Variants in P3H2 observed in about 807,000 individuals in gnomAD.
P3H2 encodes leprecan-like 1.
In P3H2, 80 loss-of-function variants were observed where a neutral mutation model predicts 87.0. That is an observed-to-expected ratio of 0.92 (90% CI 0.77 to 1.11). The LOEUF (loss-of-function observed/expected upper bound fraction) is 1.11, where lower values mean the gene tolerates loss of function less well. Among genes scored for constraint, P3H2 ranks in the 50% least tolerant of loss-of-function variants. The pLI, the probability that P3H2 is intolerant of heterozygous loss-of-function variation, is 0.00. For synonymous variants in P3H2, 367 were observed against 359.3 expected (o/e 1.02, Z -0.24); for missense variants, 1,001 against 923.9 (o/e 1.08, Z -1.08).
At chr3:189,986,262 A>T (rs1416866296) in intron 6 of P3H2, among the ~76,000 whole-genome samples, 1 of 152,224 alleles carries the variant, frequency 6.6e-6, no homozygotes, top group Admixed American at 6.5e-5. Flanking sequence ...ATATGGAATG[A>T]CTGATGTGGA....
Position 189,974,723 on chromosome 3 carries a change from T to G in P3H2, c.1325-38A>C, listed in dbSNP as rs1210229232. 4.3e-6 allele frequency: 7 copies of G among 1,613,808 alleles called. No homozygotes were observed. In the African/African-American group the frequency reaches 8.0e-5, roughly 18 times the overall value. ...AGCACATTGTCTTCCCTGTTACCTC[T>G]GTCCCCCGAAAGGAAGCACAGAATA... On this transcript the variant is annotated intron_variant, in intron 8 of 14. Transcript: ENST00000319332.
At chr3:190,071,289 A>G (rs182813789) in intron 1 of P3H2, among the ~76,000 whole-genome samples, 44 of 152,356 alleles carry the variant, frequency 2.9e-4, no homozygotes, top group African/African-American at 1.0e-3. Flanking sequence ...AGCCACAATA[A>G]ACAGACTTTT....
chr3:190,046,667 T>C (rs1164456753), intron 1 of P3H2, among the ~76,000 whole-genome samples: 1 of 151,938 alleles, frequency 6.6e-6, no homozygotes, highest in Non-Finnish European at 1.5e-5. Flanking sequence ...AGATATAAAC[T>C]CAAAATTGAT....
At chr3:190,083,611 G>A (rs1229671937) in intron 1 of P3H2, among the ~76,000 whole-genome samples, 1 of 152,268 alleles carries the variant, frequency 6.6e-6, no homozygotes, top group East Asian at 1.9e-4. Context: ...CCCCATCACA[G>A]GCATAAAGGC....
intron 1 of P3H2, among the ~76,000 whole-genome samples, chr3:190,013,418 A>C (rs1380840872): frequency 6.6e-6 from 1 of 152,254 alleles, no homozygotes; most frequent in Non-Finnish European, 1.5e-5. Context: ...AAATAGAAAT[A>C]AACCAATGAC....
intron 1 of P3H2, among the ~76,000 whole-genome samples, chr3:190,001,391 T>C (rs1466002266): frequency 2.6e-4 from 39 of 152,216 alleles, no homozygotes; most frequent in Non-Finnish European, 1.5e-5. Context: ...AAATAAGTAA[T>C]TTCCATTATT....
chr3:189,998,683 G>GA (rs1395981499), intron 1 of P3H2, among the ~76,000 whole-genome samples: 12 of 152,030 alleles, frequency 7.9e-5, no homozygotes, highest in Admixed American at 5.2e-4. Context: ...TTAGAAAAGA[G>GA]AAAAAAACTT....
At chr3:190,074,918 C>A (rs934845553) in intron 1 of P3H2, among the ~76,000 whole-genome samples, 2 of 152,210 alleles carry the variant, frequency 1.3e-5, no homozygotes, top group Non-Finnish European at 2.9e-5. Flanking sequence ...TCTACGATCA[C>A]TTCTTTTTGA....
At chr3:190,040,852 C>A (rs999020500) in intron 1 of P3H2, among the ~76,000 whole-genome samples, 1 of 150,856 alleles carries the variant, frequency 6.6e-6, no homozygotes, top group Non-Finnish European at 1.5e-5. Flanking sequence ...ACACATAGTA[C>A]CAGTTAATTT....
chr3:190,114,253 G>A (rs570085561), intron 1 of P3H2, among the ~76,000 whole-genome samples: 4 of 146,524 alleles, frequency 2.7e-5, no homozygotes, highest in Non-Finnish European at 6.0e-5. Context: ...GCGCCATCTC[G>A]GCTCACTGCA....
At chr3:190,006,999 T>C (rs1218098006) in intron 1 of P3H2, among the ~76,000 whole-genome samples, 1 of 152,200 alleles carries the variant, frequency 6.6e-6, no homozygotes, top group Non-Finnish European at 1.5e-5. Context: ...TTTGTGAATG[T>C]AGTCATAAAA....
chr3:190,020,856 A>G lies in P3H2; in HGVS notation c.481-25414T>C. ...GCATCTGTCAAAAATGTCAAACAAA[A>G]GAAAGCAATGTCTACAAAATCCCTA... On this transcript the variant is annotated intron_variant, in intron 1 of 14. Coordinates refer to ENST00000319332, the MANE Select transcript of P3H2 (RefSeq NM_018192.4). 1.5e-5 allele frequency among the ~76,000 whole-genome samples: 2 copies of G among 134,586 alleles called. 1 individual carries two copies. Among genetic ancestry groups the G allele is most frequent in the Non-Finnish European group, 3.3e-5 (2 of 60,374 alleles). The allele number at this position is 134,586 out of a possible 152,430, so 88.3% of individuals were successfully genotyped here.
In P3H2 at chr3:190,120,869, G is replaced by A; in HGVS notation, c.-138C>T. 1.5e-6 allele frequency: 2 copies of A among 1,344,302 alleles called. No individual in the cohort carries two copies. Among genetic ancestry groups the A allele is most frequent in the Non-Finnish European group, 1.9e-6 (2 of 1,030,276 alleles). 83.3% of individuals were successfully genotyped at this position (1,344,302 alleles called of 1,614,324 possible). A position where few individuals can be genotyped will look rare whatever the true frequency, so the allele number is the denominator to read the frequency against. ...TCTGGCCGCTCCGCGAGCCCCAGGT[G>A]ACCGCCGGCGCTCCGCGTACTGAGA... On this transcript the variant is annotated 5_prime_UTR_variant, in exon 1 of 15. Transcript: ENST00000319332.
chr3:189,984,598 G>C lies in P3H2; in HGVS notation c.1189-8C>G, dbSNP rs769357547. On this transcript the variant is annotated splice_region_variant and splice_polypyrimidine_tract_variant and intron_variant, in intron 6 of 14. Transcript: ENST00000319332. Reference sequence around the variant, plus strand: ...ATATCTGATCCAATAATTCTGTTTTGAATCGAGTAAAAAAAAAAATGCAGT... The same window carrying C: ...ATATCTGATCCAATAATTCTGTTTTCAATCGAGTAAAAAAAAAAATGCAGT... 1.1e-5 allele frequency: 16 copies of C among 1,521,870 alleles called. No homozygotes were observed. The Admixed American group carries it at 1.2e-4, about 11-fold the overall frequency. 94.3% of individuals were successfully genotyped at this position (1,521,870 alleles called of 1,614,324 possible).
At position 189,970,867 on chromosome 3, in the gene P3H2, G is replaced by A. The variant is rs2108907682; in HGVS notation, c.1842C>T (p.Asp614=). ...DYSALLYMND[D]FEGGEFIFTE... ...TGAATATGAATTCTCCTCCTTCAAA[G>A]TCATCATTCATATATAGGAGAGCAC... The change falls in exon 13 of 15, where the codon GAC becomes GAT. Residue 614 remains aspartate, a synonymous_variant. Transcript: ENST00000319332. 2 of 1,584,474 alleles carry A rather than the reference G, an allele frequency of 1.3e-6. No homozygotes were observed. The highest frequency in any genetic ancestry group is 1.7e-6 in the Non-Finnish European group (2 of 1,153,196).
chr3:189,987,840 T>A, intron 4 of P3H2, 171 bp from the exon 5 acceptor site: 1 of 725,932 alleles, frequency 1.4e-6, no homozygotes, highest in South Asian at 1.7e-5. Flanking sequence ...AGGAAAGACA[T>A]GATTTCAAGT....
Position 189,970,859 on chromosome 3 carries a change from C to T in P3H2, c.1850G>A (p.Gly617Glu), listed in dbSNP as rs1723156549. The change falls in exon 13 of 15, where the codon GGA becomes GAA. Residue 617 changes from glycine (G) to glutamate (E), a missense_variant. By Grantham distance (98) the Gly-to-Glu change is moderately conservative. Transcript: ENST00000319332. ...CATCTCTGTGAATATGAATTCTCCT[C>T]CTTCAAAGTCATCATTCATATATAG... ...ALLYMNDDFE[G>E]GEFIFTEMDA... 1 of 1,589,314 alleles carries T rather than the reference C, an allele frequency of 6.3e-7. No individual in the cohort carries two copies. The highest frequency in any genetic ancestry group is 8.6e-7 in the Non-Finnish European group (1 of 1,157,610).
At chr3:190,047,053 A>AAAC (rs1725830435) in intron 1 of P3H2, among the ~76,000 whole-genome samples, 1 of 152,200 alleles carries the variant, frequency 6.6e-6, no homozygotes, top group Non-Finnish European at 1.5e-5. Context: ...AAACAAAAAA[A>AAAC]CAAATAATCT....
At chr3:190,074,256 TC>T (rs1278286875) in intron 1 of P3H2, among the ~76,000 whole-genome samples, 1 of 152,176 alleles carries the variant, frequency 6.6e-6, no homozygotes, top group Non-Finnish European at 1.5e-5. Context: ...ATGCCTGTAA[TC>T]CCAGCACTTC....
Sources: allele counts gnomAD v4.1 joint callset (sites outside exome capture counted in the v4.1 genomes callset), GRCh38; gene constraint gnomAD v4.1.1; transcripts MANE v1.5; gene names NCBI Gene and HGNC (gene_info 2026-07-23, HGNC 2026-07-21).